Variants in OR6N1 observed in about 807,000 individuals in gnomAD.
OR6N1 encodes olfactory receptor family 6 subfamily N member 1.
For missense variants in OR6N1, 394 were observed against 371.7 expected (o/e 1.06, Z -0.49); for synonymous variants, 170 against 150.7 (o/e 1.13, Z -0.94).
upstream of OR6N1, chr1:158,775,548 T>A (rs1358521311): frequency 6.6e-6 from 1 of 152,214 alleles, no homozygotes; most frequent in African/African-American, 2.4e-5. Flanking sequence ...TATAAAATGG[T>A]ATATACAATT....
chr1:158,774,795 G>A (rs541217452), upstream of OR6N1: 9 of 152,236 alleles, frequency 5.9e-5, no homozygotes, highest in African/African-American at 2.2e-4. Context: ...ATTATCCAAG[G>A]AAATTCAAAA....
At position 158,766,375 on chromosome 1, in the gene OR6N1, A is replaced by C. The variant is rs1229050041; in HGVS notation, c.308T>G (p.Phe103Cys). 2 of 1,614,076 alleles carry C rather than the reference A, an allele frequency of 1.2e-6. No homozygotes were observed. The highest frequency in any genetic ancestry group is 1.3e-5 in the African/African-American group (1 of 74,918). The change falls in exon 2 of 2, where the codon TTC becomes TGC. Residue 103 changes from phenylalanine (F) to cysteine (C), a missense_variant. By Grantham distance (205) the Phe-to-Cys change is radical. Transcript: ENST00000641846. ...SFSGCLLQIY[F>C]FHSLGATECY... The stretch of plus-strand genomic sequence containing the variant: ...CTCAGTCGCTCCAAGGGAGTGAAAG[A>C]AATAGATCTGCAGGAGACACCCAGA...
chr1:158,835,980 A>G, the OR6N1 span, among the ~76,000 whole-genome samples: 1 of 151,388 alleles, frequency 6.6e-6, no homozygotes, highest in Non-Finnish European at 1.5e-5. Context: ...ATTTTTCCTC[A>G]TCTTTCAGGA....
chr1:158,827,494 T>C, the OR6N1 span, among the ~76,000 whole-genome samples: 2 of 152,156 alleles, frequency 1.3e-5, no homozygotes, highest in Non-Finnish European at 2.9e-5. Flanking sequence ...ATACTTGAGA[T>C]GGAAGGGAGC....
the OR6N1 span, chr1:158,777,547 A>G: frequency 6.2e-7 from 1 of 1,614,164 alleles, no homozygotes. Context: ...CAATAGCAGC[A>G]GGACAAAAAG....
the OR6N1 span, among the ~76,000 whole-genome samples, chr1:158,817,170 A>G: frequency 6.6e-6 from 1 of 152,248 alleles, no homozygotes; most frequent in Non-Finnish European, 1.5e-5. Context: ...TATAAGAAGC[A>G]AAAATTGGTT....
the OR6N1 span, among the ~76,000 whole-genome samples, chr1:158,792,860 C>T: frequency 1.3e-5 from 2 of 152,304 alleles, no homozygotes; most frequent in Admixed American, 6.5e-5. Flanking sequence ...TCAACAATTA[C>T]CTGAAATGGG....
chr1:158,804,190 A>G, the OR6N1 span, among the ~76,000 whole-genome samples: 1 of 152,152 alleles, frequency 6.6e-6, no homozygotes, highest in Non-Finnish European at 1.5e-5. Flanking sequence ...GACTTTTAGG[A>G]TTGTGCTGCA....
chr1:158,832,493 T>C, the OR6N1 span, among the ~76,000 whole-genome samples: 1 of 151,774 alleles, frequency 6.6e-6, no homozygotes, highest in African/African-American at 2.4e-5. Flanking sequence ...ATTTCTACCA[T>C]ATATTTTTAC....
chr1:158,808,308 T>A, the OR6N1 span: 2 of 151,960 alleles, frequency 1.3e-5, no homozygotes, highest in South Asian at 2.1e-4. Flanking sequence ...TGGCTAATTT[T>A]TTTTGTATTT....
At chr1:158,827,608 C>T in the OR6N1 span, among the ~76,000 whole-genome samples, 2 of 152,006 alleles carry the variant, frequency 1.3e-5, no homozygotes, top group Non-Finnish European at 2.9e-5. Context: ...GAACTTCAGG[C>T]TGGAAGAAAG....
At chr1:158,830,958 T>C in the OR6N1 span, among the ~76,000 whole-genome samples, 5 of 152,142 alleles carry the variant, frequency 3.3e-5, no homozygotes, top group Non-Finnish European at 7.4e-5. Flanking sequence ...AGAGATGAAG[T>C]CAAGTTCTGG....
chr1:158,784,555 C>T, the OR6N1 span, among the ~76,000 whole-genome samples: 164 of 152,294 alleles, frequency 1.1e-3, 1 homozygote, highest in African/African-American at 2.3e-3. Context: ...ACCCTTTAAT[C>T]GACTTCCCAT....
the OR6N1 span, among the ~76,000 whole-genome samples, chr1:158,801,857 T>A: frequency 6.6e-6 from 1 of 152,156 alleles, no homozygotes; most frequent in Admixed American, 6.5e-5. Flanking sequence ...ACTCTAATCT[T>A]TTCTGTACCA....
the OR6N1 span, among the ~76,000 whole-genome samples, chr1:158,810,685 AC>A: frequency 6.6e-6 from 1 of 152,340 alleles, no homozygotes; most frequent in Admixed American, 6.5e-5. Context: ...CCTTGTGTAT[AC>A]ATGGAGAACA....
the OR6N1 span, among the ~76,000 whole-genome samples, chr1:158,791,953 C>G: frequency 6.6e-6 from 1 of 152,144 alleles, no homozygotes; most frequent in African/African-American, 2.4e-5. Flanking sequence ...TGTTTGTTGA[C>G]TTTATGCCTC....
the OR6N1 span, among the ~76,000 whole-genome samples, chr1:158,805,547 T>A: frequency 6.6e-6 from 1 of 152,152 alleles, no homozygotes; most frequent in Non-Finnish European, 1.5e-5. Context: ...GGGTGTGTGT[T>A]AGGGGCAAGG....
chr1:158,796,365 C>T, the OR6N1 span, among the ~76,000 whole-genome samples: 6 of 152,200 alleles, frequency 3.9e-5, no homozygotes, highest in Non-Finnish European at 5.9e-5. Flanking sequence ...TTTAGATTTG[C>T]TCCTCTGAGG....
chr1:158,783,642 C>T, the OR6N1 span, among the ~76,000 whole-genome samples: 1 of 152,314 alleles, frequency 6.6e-6, no homozygotes, highest in South Asian at 2.1e-4. Flanking sequence ...TTCATAACAA[C>T]TGCACATATT....
Sources: allele counts gnomAD v4.1 joint callset (sites outside exome capture counted in the v4.1 genomes callset), GRCh38; gene constraint gnomAD v4.1.1; transcripts MANE v1.5; gene names NCBI Gene and HGNC (gene_info 2026-07-23, HGNC 2026-07-21).